MIS18A: variants seen among roughly 807,000 people sequenced by gnomAD.
MIS18A encodes the protein MIS18 kinetochore protein A.
Under a neutral mutation model 25.0 loss-of-function variants are expected in MIS18A, and 14 were observed. That is an observed-to-expected ratio of 0.56 (90% CI 0.37 to 0.88). The LOEUF (loss-of-function observed/expected upper bound fraction) is 0.88. Among genes scored for constraint, MIS18A ranks in the 40% least tolerant of loss-of-function variants. The pLI, the probability that MIS18A is intolerant of heterozygous loss-of-function variation, is 0.00. For missense variants in MIS18A, 292 were observed against 290.8 expected (o/e 1.00, Z -0.03); for synonymous variants, 134 against 118.6 (o/e 1.13, Z -0.84).
At chr21:32,169,729 A>G in the MIS18A span, among the ~76,000 whole-genome samples, 1 of 152,280 alleles carries the variant, frequency 6.6e-6, no homozygotes, top group African/African-American at 2.4e-5. Flanking sequence ...GGTTCAAGGC[A>G]TTTGAGGAAA....
chr21:32,271,039 G>A (rs1489571465), intron 2 of MIS18A, among the ~76,000 whole-genome samples: 1 of 152,102 alleles, frequency 6.6e-6, no homozygotes, highest in East Asian at 1.9e-4. Context: ...TAAAAAAAAA[G>A]TCTCTAAAGT....
At position 32,278,664 on chromosome 21, in the gene MIS18A, G is replaced by A. The variant is rs781535128; in HGVS notation, c.334+17C>T. The A allele has an allele frequency of 2.6e-5, 39 of 1,502,180 alleles. No homozygotes were observed. In the African/African-American group the frequency reaches 3.7e-4, roughly 14 times the overall value. 93.1% of individuals were successfully genotyped at this position (1,502,180 alleles called of 1,614,324 possible). On this transcript the variant is annotated intron_variant, in intron 1 of 4. Transcript: ENST00000290130. ...AGGCGACCCCACGCCCCCCCTGCCC[G>A]GCTCGACCCAACTGACAGCGAAGCA...
chr21:32,172,465 T>C, the MIS18A span, among the ~76,000 whole-genome samples: 1 of 152,122 alleles, frequency 6.6e-6, no homozygotes, highest in Non-Finnish European at 1.5e-5. Context: ...CACTTCACTA[T>C]GTATATCAAA....
rs770830948 is a variant in MIS18A, at chr21:32,269,077, T to A, written c.662A>T (p.Glu221Val). 1.9e-6 allele frequency: 3 copies of A among 1,605,814 alleles called. No individual in the cohort carries two copies. In the South Asian group the frequency reaches 3.4e-5, roughly 18 times the overall value. ...VLKALQMKLWEAESKLSFATC... is the reference protein window; with the variant it reads ...VLKALQMKLWVAESKLSFATC... Reference sequence around the variant, plus strand: ...GGCAAAGGACAATTTGGATTCGGCCTCCCACAGCTTCATTTGTAATGCTTT... The same window carrying A: ...GGCAAAGGACAATTTGGATTCGGCCACCCACAGCTTCATTTGTAATGCTTT... The change falls in exon 5 of 5, where the codon GAG (glutamate) becomes GTG (valine). Residue 221 changes from glutamate (E) to valine (V), a missense_variant. Physicochemically the swap from Glu to Val is moderately radical, Grantham distance 121. Coordinates refer to ENST00000290130, the MANE Select transcript of MIS18A (RefSeq NM_018944.3).
the MIS18A span, among the ~76,000 whole-genome samples, chr21:32,227,097 A>G: frequency 6.6e-6 from 1 of 152,138 alleles, no homozygotes; most frequent in African/African-American, 2.4e-5. Flanking sequence ...TTATAGTTGT[A>G]AGTGTCTATA....
the MIS18A span, among the ~76,000 whole-genome samples, chr21:32,163,053 T>G: frequency 9.2e-5 from 14 of 152,174 alleles, no homozygotes; most frequent in Non-Finnish European, 1.9e-4. Flanking sequence ...ATAAACTACC[T>G]TAAGGCCAAG....
chr21:32,200,837 C>T, the MIS18A span, among the ~76,000 whole-genome samples: 131 of 152,248 alleles, frequency 8.6e-4, no homozygotes, highest in African/African-American at 2.9e-3. Context: ...TTACTGTACA[C>T]TTAGAGCACT....
the MIS18A span, among the ~76,000 whole-genome samples, chr21:32,211,720 A>G: frequency 4.6e-5 from 7 of 152,242 alleles, no homozygotes; most frequent in Admixed American, 2.0e-4. Flanking sequence ...CTCACTGACC[A>G]TTAGGCCAGA....
chr21:32,181,546 G>A, the MIS18A span, among the ~76,000 whole-genome samples: 1 of 152,158 alleles, frequency 6.6e-6, no homozygotes, highest in Non-Finnish European at 1.5e-5. Context: ...TTACCAGCAT[G>A]GGTCTTGGAG....
At chr21:32,271,388 CCTG>C (rs2031712003) in intron 2 of MIS18A, among the ~76,000 whole-genome samples, 1 of 152,172 alleles carries the variant, frequency 6.6e-6, no homozygotes, top group African/African-American at 2.4e-5. Flanking sequence ...AATATCCATT[CCTG>C]CTATCAAGCA....
At chr21:32,231,701 C>T in the MIS18A span, among the ~76,000 whole-genome samples, 2 of 152,146 alleles carry the variant, frequency 1.3e-5, no homozygotes, top group Non-Finnish European at 2.9e-5. Flanking sequence ...ATCATGAGGT[C>T]AGGAGAGCGA....
At chr21:32,265,367 G>C (rs539275164), downstream of MIS18A, among the ~76,000 whole-genome samples, 1 of 152,228 alleles carries the variant, frequency 6.6e-6, no homozygotes, top group African/African-American at 2.4e-5. Context: ...TGCGTGTGGC[G>C]CTTGCGGGCC....
chr21:32,265,299 C>G (rs1414173134), downstream of MIS18A, among the ~76,000 whole-genome samples: 1 of 152,214 alleles, frequency 6.6e-6, no homozygotes, highest in Non-Finnish European at 1.5e-5. Flanking sequence ...AAGGCTGGAG[C>G]CCACTCCCGC....
the MIS18A span, among the ~76,000 whole-genome samples, chr21:32,200,275 G>A: frequency 6.6e-6 from 1 of 152,092 alleles, no homozygotes; most frequent in African/African-American, 2.4e-5. Context: ...GGAGTAGTTT[G>A]CTGACCCCTG....
the MIS18A span, among the ~76,000 whole-genome samples, chr21:32,165,205 T>C: frequency 1.3e-5 from 2 of 152,030 alleles, no homozygotes; most frequent in African/African-American, 4.8e-5. Context: ...TGGTGGTGCA[T>C]GCCTGTAATC....
chr21:32,207,361 G>GT, the MIS18A span, among the ~76,000 whole-genome samples: 1 of 152,178 alleles, frequency 6.6e-6, no homozygotes, highest in Non-Finnish European at 1.5e-5. Flanking sequence ...AAGGGCAGAT[G>GT]TTTTTTACAT....
the MIS18A span, chr21:32,260,715 T>G: frequency 6.6e-6 from 1 of 152,214 alleles, no homozygotes; most frequent in Non-Finnish European, 1.5e-5. Flanking sequence ...TCATAAAAAT[T>G]TTCAAACAAT....
At chr21:32,276,075 C>T (rs992467496) in intron 1 of MIS18A, among the ~76,000 whole-genome samples, 9 of 152,202 alleles carry the variant, frequency 5.9e-5, no homozygotes, top group Non-Finnish European at 1.2e-4. Flanking sequence ...CTCCCTAAAT[C>T]TTATCTTTAT....
At chr21:32,267,099 T>C (rs1454167752), downstream of MIS18A, among the ~76,000 whole-genome samples, 1 of 152,202 alleles carries the variant, frequency 6.6e-6, no homozygotes, top group African/African-American at 2.4e-5. Flanking sequence ...TCCCCTCTCC[T>C]GCCAGTGTCA....
Sources: allele counts gnomAD v4.1 joint callset (sites outside exome capture counted in the v4.1 genomes callset), GRCh38; gene constraint gnomAD v4.1.1; transcripts MANE v1.5; gene names NCBI Gene and HGNC (gene_info 2026-07-23, HGNC 2026-07-21).